The following HAT1 variants were observed in gnomAD, a reference collection of about 807,000 sequenced individuals.
HAT1 encodes histone acetyltransferase 1.
Under a neutral mutation model 56.6 loss-of-function variants are expected in HAT1, and 20 were observed. The ratio of observed to expected loss-of-function variants is 0.35; its 90% CI spans 0.25 to 0.51. The LOEUF (loss-of-function observed/expected upper bound fraction) is 0.51. Ranked by LOEUF, HAT1 falls within the 20% of genes least tolerant of loss-of-function variation. The probability of loss-of-function intolerance (pLI) is 0.95; values close to 1 mark genes in which losing one functional copy is unlikely to be tolerated. For missense variants in HAT1, 408 were observed against 504.3 expected, an observed-to-expected ratio of 0.81 and a Z score of 1.83; for synonymous variants, 146 against 165.5, an observed-to-expected ratio of 0.88 and a Z score of 0.91.
At chr2:171,965,179 A>G in intron 4 of HAT1, 159 bp from the exon 5 acceptor site, 1 of 583,098 alleles carries the variant, frequency 1.7e-6, no homozygotes, top group Non-Finnish European at 3.1e-6. Flanking sequence ...CAGTTTGTGC[A>G]CAGGAAGCTC....
intron 2 of HAT1, among the ~76,000 whole-genome samples, chr2:171,942,680 C>T (rs1306172026): frequency 6.6e-6 from 1 of 152,118 alleles, no homozygotes; most frequent in Non-Finnish European, 1.5e-5. Flanking sequence ...ACATTTTGTA[C>T]ATGTTCTCAA....
chr2:171,967,493 T>A (rs1687710399), intron 8 of HAT1, among the ~76,000 whole-genome samples: 1 of 152,068 alleles, frequency 6.6e-6, no homozygotes, highest in Non-Finnish European at 1.5e-5. Flanking sequence ...ATAGAAGTAG[T>A]AGTATGAATA....
At chr2:171,959,599 TCAAA>T (rs1687527201) in intron 4 of HAT1, among the ~76,000 whole-genome samples, 1 of 152,238 alleles carries the variant, frequency 6.6e-6, no homozygotes, top group Admixed American at 6.5e-5. Context: ...TATTGCGTAT[TCAAA>T]CAAAGACTTT....
At chr2:171,965,673 C>A in intron 5 of HAT1, 114 bp from the exon 6 acceptor site, 1 of 1,094,068 alleles carries the variant, frequency 9.1e-7, no homozygotes, top group Non-Finnish European at 1.3e-6. Context: ...TATCTATGTT[C>A]ACATCTTAAT....
chr2:171,934,084 T>G (rs1165145484), intron 2 of HAT1, among the ~76,000 whole-genome samples: 1 of 152,226 alleles, frequency 6.6e-6, no homozygotes, highest in African/African-American at 2.4e-5. Context: ...TTCCTATGTC[T>G]TCTTGGTGAA....
chr2:171,967,776 C>G (rs991589898), intron 8 of HAT1, among the ~76,000 whole-genome samples: 1 of 152,060 alleles, frequency 6.6e-6, no homozygotes, highest in African/African-American at 2.4e-5. Flanking sequence ...ATTAATCTTA[C>G]AAGTTTGAAT....
intron 2 of HAT1, among the ~76,000 whole-genome samples, chr2:171,942,211 T>C (rs571239232): frequency 1.3e-5 from 2 of 152,276 alleles, no homozygotes; most frequent in East Asian, 1.9e-4. Context: ...AGCTGCAACA[T>C]AGGTTTTTAG....
chr2:171,955,366 A>G (rs1284328195), intron 4 of HAT1, among the ~76,000 whole-genome samples: 3 of 152,076 alleles, frequency 2.0e-5, no homozygotes, highest in Admixed American at 6.6e-5. Context: ...AATCCCAGCA[A>G]TTTAGAAGGC....
chr2:171,977,543 ATATATATATATATATTTT>A (rs1441352626), intron 9 of HAT1, among the ~76,000 whole-genome samples: 1 of 13,846 alleles, frequency 7.2e-5, no homozygotes, highest in Non-Finnish European at 1.3e-4. Context: ...ATATATATAT[ATATATATATATATATTTT>A]TTTTTTTTTT....
intron 7 of HAT1, 148 bp downstream of exon 7, chr2:171,966,661 C>T (rs1687690386): frequency 3.2e-6 from 2 of 630,560 alleles, no homozygotes; most frequent in Non-Finnish European, 5.7e-6. Flanking sequence ...TCATTGTTCC[C>T]TTTGAAACAG....
chr2:171,922,831 C>T (rs1023046646), intron 1 of HAT1: 20 of 332,124 alleles, frequency 6.0e-5, no homozygotes, highest in Non-Finnish European at 9.8e-5. Flanking sequence ...CTTCCCATTC[C>T]TTTTGTCCAC....
At chr2:171,961,015 G>A (rs1258874984) in intron 4 of HAT1, among the ~76,000 whole-genome samples, 1 of 152,118 alleles carries the variant, frequency 6.6e-6, no homozygotes, top group Non-Finnish European at 1.5e-5. Flanking sequence ...TGTGGTGCGT[G>A]CTTGTGGTCC....
intron 2 of HAT1, among the ~76,000 whole-genome samples, chr2:171,935,032 A>C (rs1686836848): frequency 6.6e-6 from 1 of 151,480 alleles, no homozygotes; most frequent in Non-Finnish European, 1.5e-5. Context: ...CTGGGATTAC[A>C]GGCGTGAGCC....
chr2:171,952,784 G>A (rs1687339897), intron 3 of HAT1, 97 bp from the exon 4 acceptor site: 1 of 619,444 alleles, frequency 1.6e-6, no homozygotes, highest in Non-Finnish European at 2.6e-6. Context: ...TTAAAATCTT[G>A]AAACTACCCA....
chr2:171,978,960 A>C (rs1194099851), intron 9 of HAT1, among the ~76,000 whole-genome samples: 1 of 151,162 alleles, frequency 6.6e-6, no homozygotes, highest in Non-Finnish European at 1.5e-5. Context: ...AGTGTGGTGC[A>C]TATGCCTATG....
chr2:171,940,102 A>G (rs1686982264), intron 2 of HAT1, among the ~76,000 whole-genome samples: 1 of 152,202 alleles, frequency 6.6e-6, no homozygotes, highest in African/African-American at 2.4e-5. Flanking sequence ...TAATGAAACC[A>G]GAAAGCTGTC....
chr2:171,975,616 T>C (rs1017409078), intron 8 of HAT1, among the ~76,000 whole-genome samples: 4 of 152,204 alleles, frequency 2.6e-5, no homozygotes, highest in Admixed American at 6.5e-5. Context: ...AAGCTGTCTG[T>C]TTCATCTAAA....
chr2:171,940,707 C>T (rs1275352034), intron 2 of HAT1, among the ~76,000 whole-genome samples: 5 of 152,088 alleles, frequency 3.3e-5, no homozygotes, highest in African/African-American at 1.2e-4. Flanking sequence ...TGTAACTAAG[C>T]AGTTTTGAAG....
At chr2:171,930,404 G>A (rs1043185889) in intron 2 of HAT1, among the ~76,000 whole-genome samples, 4 of 152,022 alleles carry the variant, frequency 2.6e-5, no homozygotes, top group African/African-American at 9.7e-5. Context: ...TTCTGGGTTC[G>A]AGTGATCTGC....
Sources: gnomAD v4.1 joint callset for allele counts (sites outside exome capture counted in the v4.1 genomes callset) on GRCh38, gnomAD v4.1.1 for gene constraint, MANE v1.5 for transcripts, NCBI Gene and HGNC (gene_info 2026-07-23, HGNC 2026-07-21) for gene names.